LPAR1: variants seen among roughly 807,000 people sequenced by gnomAD.
The protein encoded by LPAR1 is LPA receptor 1.
In LPAR1, 5 loss-of-function variants were observed where a neutral mutation model predicts 23.8. The observed-to-expected ratio is 0.21, with a 90% confidence interval of 0.11 to 0.44. The LOEUF (loss-of-function observed/expected upper bound fraction) is 0.44. LPAR1 is among the 20% of genes least tolerant of loss of function. LPAR1 has a pLI of 0.99. For missense variants in LPAR1, 311 were observed against 482.8 expected (o/e 0.64, Z 3.33); for synonymous variants, 160 against 164.7 (o/e 0.97, Z 0.22).
At chr9:110,878,328 A>T (rs566401533) in intron 5 of LPAR1, among the ~76,000 whole-genome samples, 8 of 152,250 alleles carry the variant, frequency 5.3e-5, no homozygotes, top group African/African-American at 1.9e-4. Flanking sequence ...TGACCAAAAG[A>T]TGAGGATGCA....
At chr9:110,961,871 C>G (rs1034356293) in intron 4 of LPAR1, among the ~76,000 whole-genome samples, 25 of 152,234 alleles carry the variant, frequency 1.6e-4, no homozygotes, top group African/African-American at 5.8e-4. Flanking sequence ...TACCTCCCAC[C>G]AGGTCCCTCC....
chr9:110,956,145 C>T (rs1335233186), intron 4 of LPAR1, among the ~76,000 whole-genome samples: 1 of 149,952 alleles, frequency 6.7e-6, no homozygotes. Context: ...GAACAGAAAA[C>T]GAAACACTGC....
chr9:110,877,633 C>T (rs913291964), intron 5 of LPAR1, among the ~76,000 whole-genome samples: 2 of 152,104 alleles, frequency 1.3e-5, no homozygotes, highest in Non-Finnish European at 2.9e-5. Context: ...AATGCATGGT[C>T]CCATTATGCC....
intron 4 of LPAR1, among the ~76,000 whole-genome samples, chr9:110,961,845 AC>A: frequency 6.6e-6 from 1 of 151,822 alleles, no homozygotes; most frequent in South Asian, 2.1e-4. Context: ...GGAAAAACCC[AC>A]CCCCGTGATT....
chr9:110,884,554 GA>G (rs1321650606), intron 5 of LPAR1, among the ~76,000 whole-genome samples: 14 of 152,236 alleles, frequency 9.2e-5, no homozygotes, highest in Non-Finnish European at 1.8e-4. Context: ...ATAAGTGAAA[GA>G]AAGAACAAGG....
chr9:110,952,002 C>T (rs2095584763), intron 4 of LPAR1, among the ~76,000 whole-genome samples: 1 of 152,196 alleles, frequency 6.6e-6, no homozygotes, highest in Non-Finnish European at 1.5e-5. Flanking sequence ...ATATTAAAAA[C>T]TTGCAGAAGC....
chr9:111,025,495 T>C (rs1588922843), intron 2 of LPAR1, among the ~76,000 whole-genome samples: 2 of 152,216 alleles, frequency 1.3e-5, no homozygotes, highest in South Asian at 2.1e-4. Context: ...ACTCTGTAGG[T>C]TGCCTGTTCA....
At chr9:110,929,626 A>G (rs2094262052) in intron 5 of LPAR1, among the ~76,000 whole-genome samples, 1 of 152,082 alleles carries the variant, frequency 6.6e-6, no homozygotes, top group African/African-American at 2.4e-5. Context: ...ATGGAAGCCT[A>G]TAAGACAAAG....
At chr9:110,932,388 C>T (rs1375863178) in intron 5 of LPAR1, among the ~76,000 whole-genome samples, 1 of 152,184 alleles carries the variant, frequency 6.6e-6, no homozygotes, top group Non-Finnish European at 1.5e-5. Context: ...CGATGAATCC[C>T]AGACTAAAGG....
chr9:111,033,887 G>C (rs1381184764), intron 2 of LPAR1, among the ~76,000 whole-genome samples: 1 of 152,092 alleles, frequency 6.6e-6, no homozygotes, highest in East Asian at 1.9e-4. Flanking sequence ...GGGTACCCTA[G>C]CATCTCCAGA....
rs998681480 is a variant in LPAR1, at chr9:110,874,285, A to G, written c.*1136T>C. On this transcript the variant is annotated 3_prime_UTR_variant, in exon 6 of 6. Transcript: ENST00000683809. ...AGTTGCATCCATTAAATGGAATATA[A>G]TATAGCCATTAAAATTATGTTTTTG... 3 of 152,622 alleles carry G rather than the reference A, an allele frequency of 2.0e-5. No individual in the cohort carries two copies. The highest frequency in any genetic ancestry group is 7.2e-5 in the African/African-American group (3 of 41,460). 9.5% of individuals were successfully genotyped at this position (152,622 alleles called of 1,614,324 possible). A position where few individuals can be genotyped will look rare whatever the true frequency, so the allele number is the denominator to read the frequency against.
At chr9:110,957,339 C>CAAAA (rs35370181) in intron 4 of LPAR1, among the ~76,000 whole-genome samples, 4 of 140,418 alleles carry the variant, frequency 2.8e-5, no homozygotes, top group South Asian at 2.2e-4. Context: ...TACTCTGTCT[C>CAAAA]AAAAAAAAAA....
chr9:110,958,029 G>A (rs1350984715), intron 4 of LPAR1, among the ~76,000 whole-genome samples: 1 of 152,084 alleles, frequency 6.6e-6, no homozygotes, highest in Non-Finnish European at 1.5e-5. Flanking sequence ...TATGCAAGGA[G>A]GGAAAAGACC....
intron 2 of LPAR1, among the ~76,000 whole-genome samples, chr9:110,995,422 C>T (rs1353552189): frequency 6.6e-6 from 1 of 152,122 alleles, no homozygotes; most frequent in East Asian, 1.9e-4. Flanking sequence ...CTAATATCTA[C>T]TTCAGCATGG....
Position 111,038,061 on chromosome 9 carries a change from G to A in LPAR1, c.-262+106C>T, listed in dbSNP as rs2097928259. 1 of 151,790 alleles carries A rather than the reference G, an allele frequency of 6.6e-6. No individual in the cohort carries two copies. The highest frequency in any genetic ancestry group is 2.4e-5 in the African/African-American group (1 of 41,400). The allele number at this position is 151,790 out of a possible 1,614,324, so 9.4% of individuals were successfully genotyped here. ...CCAACCACAAAGCCCGTCCGCGGCGGGACAGTGTGAGCCCAGCGCGCCGTG... is the reference window on the plus strand; with the variant it reads ...CCAACCACAAAGCCCGTCCGCGGCGAGACAGTGTGAGCCCAGCGCGCCGTG... On this transcript the variant is annotated intron_variant, in intron 1 of 5. Transcript: ENST00000683809. The surrounding 1 kb of genome is among the most constrained non-coding windows in gnomAD (Gnocchi z 4.4).
intron 5 of LPAR1, among the ~76,000 whole-genome samples, chr9:110,898,315 G>T (rs2087207479): frequency 6.6e-6 from 1 of 152,198 alleles, no homozygotes; most frequent in African/African-American, 2.4e-5. Context: ...TTTTATCAGA[G>T]AATTAATATA....
chr9:110,945,786 T>G (rs2136332763), intron 4 of LPAR1, among the ~76,000 whole-genome samples: 1 of 152,254 alleles, frequency 6.6e-6, no homozygotes, highest in South Asian at 2.1e-4. Context: ...ATCTCTTGGC[T>G]CATGGCTACC....
chr9:110,900,521 GC>G (rs776816610), intron 5 of LPAR1, among the ~76,000 whole-genome samples: 11 of 152,096 alleles, frequency 7.2e-5, no homozygotes, highest in Non-Finnish European at 1.3e-4. Context: ...TTTCTTCTGT[GC>G]CGCAAGTACT....
chr9:110,906,876 G>A (rs978295383), intron 5 of LPAR1, among the ~76,000 whole-genome samples: 1 of 149,470 alleles, frequency 6.7e-6, no homozygotes, highest in East Asian at 1.9e-4. Context: ...ATGCTTTGAA[G>A]GCCAACTTAA....
Sources: gnomAD v4.1 joint callset for allele counts (sites outside exome capture counted in the v4.1 genomes callset) on GRCh38, gnomAD v4.1.1 for gene constraint, Gnocchi (gnomAD v3.1) non-coding constraint, MANE v1.5 for transcripts, NCBI Gene and HGNC (gene_info 2026-07-23, HGNC 2026-07-21) for gene names.